Variants in RAPGEF6 observed in about 807,000 individuals in gnomAD.
RAPGEF6 encodes Rap guanine nucleotide exchange factor 6.
A neutral mutation model predicts 171.4 loss-of-function variants in RAPGEF6; 56 were observed. The ratio of observed to expected loss-of-function variants is 0.33; its 90% CI spans 0.26 to 0.41. The LOEUF is 0.41. Ranked by LOEUF, RAPGEF6 falls within the 10% of genes least tolerant of loss-of-function variation. The pLI, the probability that RAPGEF6 is intolerant of heterozygous loss-of-function variation, is 1.00. For synonymous variants in RAPGEF6, 692 were observed against 650.1 expected, an observed-to-expected ratio of 1.06 and a Z score of -0.98; for missense variants, 1,674 against 1,921.4, an observed-to-expected ratio of 0.87 and a Z score of 2.41.
At chr5:131,568,009 C>T (rs565119916) in intron 4 of RAPGEF6, among the ~76,000 whole-genome samples, 114 of 152,308 alleles carry the variant, frequency 7.5e-4, no homozygotes, top group South Asian at 6.4e-3. Flanking sequence ...CTAGTTCTCT[C>T]ATGAATATAG....
chr5:131,452,899 T>C (rs554666036), intron 21 of RAPGEF6, among the ~76,000 whole-genome samples, 155 bp downstream of exon 21: 9 of 152,320 alleles, frequency 5.9e-5, no homozygotes, highest in African/African-American at 2.2e-4. Flanking sequence ...CCTGTTATGG[T>C]TATTAATGAT....
At chr5:131,592,279 G>A in intron 4 of RAPGEF6, 104 bp downstream of exon 4, 1 of 1,481,512 alleles carries the variant, frequency 6.7e-7, no homozygotes, top group Non-Finnish European at 9.0e-7. Flanking sequence ...GTGCCAACAA[G>A]CAAAGACATT....
intron 1 of RAPGEF6, among the ~76,000 whole-genome samples, chr5:131,624,626 C>CA (rs760628554): frequency 1.3e-5 from 2 of 151,690 alleles, no homozygotes; most frequent in East Asian, 1.9e-4. Flanking sequence ...AAAAACAAAA[C>CA]AAACAAACAA....
intron 3 of RAPGEF6, among the ~76,000 whole-genome samples, chr5:131,599,098 G>A (rs555721708): frequency 2.8e-4 from 42 of 152,304 alleles, no homozygotes; most frequent in African/African-American, 9.4e-4. Flanking sequence ...ATTACTTGAT[G>A]CCAGGAGTTT....
At chr5:131,576,938 A>G (rs1324100718) in intron 4 of RAPGEF6, among the ~76,000 whole-genome samples, 2 of 151,694 alleles carry the variant, frequency 1.3e-5, no homozygotes, top group Non-Finnish European at 2.9e-5. Context: ...CTACTCTACC[A>G]CCCCTCAGGG....
intron 22 of RAPGEF6, 102 bp from the exon 23 acceptor site, chr5:131,442,639 C>T (rs991624592): frequency 6.8e-7 from 1 of 1,460,682 alleles, no homozygotes; most frequent in Admixed American, 2.5e-5. Flanking sequence ...ATTTTTAGCA[C>T]AAAAGATAAA....
chr5:131,476,096 C>T (rs534163615), intron 16 of RAPGEF6, among the ~76,000 whole-genome samples: 175 of 152,296 alleles, frequency 1.1e-3, no homozygotes, highest in African/African-American at 4.1e-3. Flanking sequence ...CCAAAAACCA[C>T]AATCAACATT....
At chr5:131,549,716 CT>C (rs770419637) in intron 5 of RAPGEF6, among the ~76,000 whole-genome samples, 3 of 151,680 alleles carry the variant, frequency 2.0e-5, no homozygotes, top group Non-Finnish European at 2.9e-5. Flanking sequence ...TGGTCTCTCT[CT>C]TTTTTTTAAC....
At position 131,479,675 on chromosome 5, in the gene RAPGEF6, C is replaced by T. The variant is rs1755338832; in HGVS notation, c.1919G>A (p.Ser640Asn). The change falls in exon 16 of 28, where the codon AGT becomes AAT. Residue 640 changes from serine (S) to asparagine (N), a missense_variant. Transcript: ENST00000509018. The part of the protein sequence containing the change: ...PHIPKIAEKK[S>N]NRHSIQHVPG... Reference sequence around the variant, plus strand: ...CACATGCTGGATAGAATGGCGATTACTTTTTTTTTCAGCAATTTTGGGAAT... The same window carrying T: ...CACATGCTGGATAGAATGGCGATTATTTTTTTTTTCAGCAATTTTGGGAAT... 1.2e-6 allele frequency: 2 copies of T among 1,609,702 alleles called. No homozygotes were observed. The highest frequency in any genetic ancestry group is 1.7e-5 in the Admixed American group (1 of 59,812).
In RAPGEF6 at chr5:131,548,199, C is replaced by T. The variant is rs1760677678; in HGVS notation, c.352-9G>A. ...TCTTTGGCATTCTCTACCTGAAACA[C>T]ATGTTCATATTCCTGATGAAATATC... On this transcript the variant is annotated splice_polypyrimidine_tract_variant and intron_variant, in intron 5 of 27. Transcript: ENST00000509018. 6.2e-7 allele frequency: 1 copy of T among 1,613,070 alleles called. No homozygotes were observed.
chr5:131,592,397 G>A lies in RAPGEF6; in HGVS notation c.267C>T (p.Val89=). ...SGSVLVKGSM[V]LPPCSFGKQF... ...TGTAAACGTACCTGCAAGGAGGCAA[G>A]ACCATGGAGCCTTTCACAAGCACAG... The change falls in exon 4 of 28, where the codon GTC becomes GTT. Residue 89 remains valine, a synonymous_variant. Coordinates refer to ENST00000509018, the MANE Select transcript of RAPGEF6 (RefSeq NM_016340.6). 6.2e-7 allele frequency: 1 copy of A among 1,613,864 alleles called. No homozygotes were observed. The highest frequency in any genetic ancestry group is 8.5e-7 in the Non-Finnish European group (1 of 1,179,828).
At chr5:131,497,734 T>C (rs556346128) in intron 12 of RAPGEF6, among the ~76,000 whole-genome samples, 73 of 152,352 alleles carry the variant, frequency 4.8e-4, no homozygotes, top group Middle Eastern at 3.4e-3. Context: ...GCAGTTTACC[T>C]GCAACTAGTT....
Position 131,452,630 on chromosome 5 carries a change from A to ATTT in RAPGEF6, c.3200+421_3200+423dup, listed in dbSNP as rs374349439. The stretch of plus-strand genomic sequence containing the variant: ...GCAATTTTATTGTATTTGTTTGCTG[A>ATTT]TTTTTTTTTTTTTTTTTAGTAGAGA... On this transcript the variant is annotated intron_variant, in intron 21 of 27. Coordinates refer to ENST00000509018, the MANE Select transcript of RAPGEF6 (RefSeq NM_016340.6). 1.1e-3 allele frequency among the ~76,000 whole-genome samples: 153 copies of ATTT among 140,504 alleles called. 2 individuals are homozygous for ATTT. The highest frequency in any genetic ancestry group is 2.4e-3 in the Admixed American group (34 of 14,116). The allele number at this position is 140,504 out of a possible 152,430, so 92.2% of individuals were successfully genotyped here.
intron 19 of RAPGEF6, among the ~76,000 whole-genome samples, chr5:131,457,574 T>C (rs1007346138): frequency 2.6e-5 from 4 of 152,354 alleles, no homozygotes; most frequent in South Asian, 4.1e-4. Context: ...GATCCACTTA[T>C]ATGCAGATTT....
At chr5:131,442,284 T>A in intron 23 of RAPGEF6, 65 bp downstream of exon 23, 1 of 1,425,368 alleles carries the variant, frequency 7.0e-7, no homozygotes, top group Non-Finnish European at 9.5e-7. Context: ...TCTGTAATTA[T>A]TTTTCACTCT....
At chr5:131,532,083 A>G (rs1426171469) in intron 6 of RAPGEF6, 1 of 432,324 alleles carries the variant, frequency 2.3e-6, no homozygotes, top group Non-Finnish European at 4.5e-6. Context: ...AATTGCTAAG[A>G]AAATAACAAT....
At chr5:131,532,259 AGT>A in intron 6 of RAPGEF6, 1 of 312,226 alleles carries the variant, frequency 3.2e-6, no homozygotes, top group South Asian at 2.6e-5. Context: ...ACACCACTGC[AGT>A]GTTTATATAA....
At chr5:131,632,880 C>A (rs1231239257) in intron 1 of RAPGEF6, among the ~76,000 whole-genome samples, 4 of 152,222 alleles carry the variant, frequency 2.6e-5, no homozygotes, top group Non-Finnish European at 5.9e-5. Flanking sequence ...ACCTCTTATG[C>A]TGCTAGATGT....
chr5:131,477,152 C>G (rs1392122831), intron 16 of RAPGEF6, among the ~76,000 whole-genome samples: 1 of 152,046 alleles, frequency 6.6e-6, no homozygotes, highest in East Asian at 1.9e-4. Flanking sequence ...GAATTCACTT[C>G]AGATGACTGT....
Sources: allele counts gnomAD v4.1 joint callset (sites outside exome capture counted in the v4.1 genomes callset), GRCh38; gene constraint gnomAD v4.1.1; transcripts MANE v1.5; gene names NCBI Gene and HGNC (gene_info 2026-07-23, HGNC 2026-07-21).